The following CDK5RAP1 variants were observed in gnomAD, a reference collection of about 807,000 sequenced individuals.
CDK5RAP1 encodes CDK5RAP1 mitochondrial tRNA methylthiotransferase, also known as mitochondrial tRNA methylthiotransferase CDK5RAP1.
CDK5RAP1 carries 62 observed loss-of-function variants against 64.5 expected under a neutral mutation model. That is an observed-to-expected ratio of 0.96 (90% confidence interval 0.78 to 1.19). The LOEUF is 1.19. Ranked by LOEUF, CDK5RAP1 falls within the 50% of genes most tolerant of loss-of-function variation. The probability of loss-of-function intolerance (pLI) is 0.00; values close to 1 mark genes in which losing one functional copy is unlikely to be tolerated. For synonymous variants in CDK5RAP1, 250 were observed against 261.9 expected, an observed-to-expected ratio of 0.95 and a Z score of 0.44; for missense variants, 657 against 735.0, an observed-to-expected ratio of 0.89 and a Z score of 1.23.
At chr20:33,387,256 CAAAA>C (rs367959712) in intron 6 of CDK5RAP1, 63 bp downstream of exon 6, 627 of 1,044,284 alleles carry the variant, frequency 6.0e-4, no homozygotes, top group Middle Eastern at 9.5e-4. Flanking sequence ...GACCCTGTCT[CAAAA>C]AAAAAAAAAA....
At chr20:33,379,364 G>C in intron 8 of CDK5RAP1, 97 bp downstream of exon 8, 1 of 801,460 alleles carries the variant, frequency 1.2e-6, no homozygotes, top group Non-Finnish European at 2.1e-6. Flanking sequence ...GGATCCCTAA[G>C]CAGGACTCCA....
intron 7 of CDK5RAP1, 180 bp downstream of exon 7, chr20:33,385,470 A>G (rs1346115572): frequency 3.3e-6 from 2 of 602,896 alleles, no homozygotes; most frequent in Non-Finnish European, 2.9e-6. Flanking sequence ...TGCTGCCTCC[A>G]TAGTGGAGCT....
chr20:33,374,697 G>A (rs1250733678), intron 8 of CDK5RAP1, among the ~76,000 whole-genome samples: 4 of 151,886 alleles, frequency 2.6e-5, no homozygotes, highest in Non-Finnish European at 5.9e-5. Flanking sequence ...CCCAGTAGCA[G>A]GGATTACAGG....
chr20:33,391,627 G>A (rs1268940748), intron 5 of CDK5RAP1, among the ~76,000 whole-genome samples: 1 of 152,036 alleles, frequency 6.6e-6, no homozygotes, highest in Admixed American at 6.6e-5. Flanking sequence ...TTCGAGACCA[G>A]CCTGACCAAC....
chr20:33,373,415 A>G (rs1014590581), intron 9 of CDK5RAP1: 1 of 152,286 alleles, frequency 6.6e-6, no homozygotes, highest in Non-Finnish European at 1.5e-5. Flanking sequence ...CAGTCTCCCA[A>G]AGTGCTTGGA....
intron 11 of CDK5RAP1, 80 bp downstream of exon 11, chr20:33,370,419 C>T (rs1307764017): frequency 6.7e-7 from 1 of 1,487,584 alleles, no homozygotes; most frequent in East Asian, 2.3e-5. Context: ...CCGCCACTCT[C>T]TTTTCTGCCC....
chr20:33,370,376 G>A (rs1003650646), intron 11 of CDK5RAP1, 123 bp downstream of exon 11: 10 of 955,648 alleles, frequency 1.0e-5, no homozygotes, highest in South Asian at 1.8e-5. Context: ...GAAGTGAATC[G>A]TAAGAGCCTG....
chr20:33,380,844 T>C (rs941664303), intron 7 of CDK5RAP1, among the ~76,000 whole-genome samples: 4 of 151,884 alleles, frequency 2.6e-5, no homozygotes, highest in Non-Finnish European at 5.9e-5. Flanking sequence ...CTACTAAAAA[T>C]ACAAAAAATT....
intron 6 of CDK5RAP1, 91 bp downstream of exon 6, chr20:33,387,232 G>T: frequency 2.1e-6 from 2 of 954,340 alleles, no homozygotes; most frequent in Non-Finnish European, 1.6e-6. Flanking sequence ...CTCCAGCCTG[G>T]ATGACAAGAG....
At chr20:33,361,233 G>C (rs780593495) in intron 12 of CDK5RAP1, among the ~76,000 whole-genome samples, 1 of 152,196 alleles carries the variant, frequency 6.6e-6, no homozygotes, top group Non-Finnish European at 1.5e-5. Flanking sequence ...AAGCAGGAGG[G>C]GAGAGCTCAA....
rs1568696250 is a variant in CDK5RAP1 at position 33,375,284 on chromosome 20, C to G, written c.1108-1072G>C. On this transcript the variant is annotated intron_variant, in intron 8 of 13. Coordinates refer to ENST00000346416, the MANE Select transcript of CDK5RAP1 (RefSeq NM_016408.4). ...GGACATGGTGGTGTGCACCTGTAATCCCAGCTACTCAGGAGGTTGAGGCAG... is the reference window on the plus strand; with the variant it reads ...GGACATGGTGGTGTGCACCTGTAATGCCAGCTACTCAGGAGGTTGAGGCAG... Among the ~76,000 whole-genome samples the G allele has an allele frequency of 5.9e-5, 9 of 151,570 alleles. 1 individual carries two copies. In the South Asian group the frequency reaches 1.9e-3, roughly 32 times the overall value.
intron 7 of CDK5RAP1, among the ~76,000 whole-genome samples, chr20:33,385,242 C>A (rs545302300): frequency 6.6e-6 from 1 of 152,302 alleles, no homozygotes; most frequent in Non-Finnish European, 1.5e-5. Context: ...CTGGAAGAGA[C>A]AAATTCATAA....
At chr20:33,389,957 A>T (rs1988114897) in intron 5 of CDK5RAP1, among the ~76,000 whole-genome samples, 3 of 150,120 alleles carry the variant, frequency 2.0e-5, no homozygotes, top group Admixed American at 2.0e-4. Flanking sequence ...TTTTTTTACA[A>T]CGGAGTATTA....
intron 7 of CDK5RAP1, among the ~76,000 whole-genome samples, chr20:33,383,681 T>C (rs1987050030): frequency 1.4e-5 from 2 of 141,642 alleles, no homozygotes; most frequent in African/African-American, 2.6e-5. Flanking sequence ...GCGGAGGTTG[T>C]GGTGAGCCGA....
intron 7 of CDK5RAP1, among the ~76,000 whole-genome samples, chr20:33,383,683 G>T (rs1200763553): frequency 6.7e-6 from 1 of 149,878 alleles, no homozygotes; most frequent in Admixed American, 6.7e-5. Flanking sequence ...GGAGGTTGTG[G>T]TGAGCCGAGA....
intron 1 of CDK5RAP1, among the ~76,000 whole-genome samples, chr20:33,398,987 T>C (rs1276434751): frequency 1.3e-5 from 2 of 151,936 alleles, no homozygotes; most frequent in Non-Finnish European, 2.9e-5. Flanking sequence ...AAGGAAGCAA[T>C]ATGCTCCATG....
intron 3 of CDK5RAP1, among the ~76,000 whole-genome samples, chr20:33,394,741 C>A (rs1988726762): frequency 6.6e-6 from 1 of 152,182 alleles, no homozygotes; most frequent in Non-Finnish European, 1.5e-5. Context: ...TCTTCTGCAA[C>A]TAAAACCCTG....
intron 11 of CDK5RAP1, among the ~76,000 whole-genome samples, chr20:33,368,341 G>C (rs1376745544): frequency 6.6e-6 from 1 of 151,738 alleles, no homozygotes; most frequent in East Asian, 1.9e-4. Flanking sequence ...TTGCCAAACC[G>C]GAGTGCAGTG....
chr20:33,372,503 G>A (rs1415517648), intron 10 of CDK5RAP1, 139 bp downstream of exon 10: 3 of 497,930 alleles, frequency 6.0e-6, no homozygotes, highest in Non-Finnish European at 1.1e-5. Flanking sequence ...AATACGAGGA[G>A]AGAGAAAGAG....
Sources: gnomAD v4.1 joint callset for allele counts (sites outside exome capture counted in the v4.1 genomes callset) on GRCh38, gnomAD v4.1.1 for gene constraint, MANE v1.5 for transcripts, NCBI Gene and HGNC (gene_info 2026-07-23, HGNC 2026-07-21) for gene names.